TSPAN4: variants seen among roughly 807,000 people sequenced by gnomAD.
TSPAN4 encodes the protein tetraspanin 4, also known as tetraspanin-4.
Under a neutral mutation model 31.5 loss-of-function variants are expected in TSPAN4, and 38 were observed. That is an observed-to-expected ratio of 1.21 (90% CI 0.93 to 1.58). The LOEUF is 1.58. TSPAN4 is among the 40% of genes most tolerant of loss of function. TSPAN4 has a pLI of 0.00. For missense variants in TSPAN4, 330 were observed against 317.3 expected (o/e 1.04, Z -0.30); for synonymous variants, 186 against 144.6 (o/e 1.29, Z -2.06).
intron 3 of TSPAN4, among the ~76,000 whole-genome samples, chr11:858,926 A>AC (rs1340697627): frequency 2.4e-5 from 2 of 83,326 alleles, no homozygotes; most frequent in Non-Finnish European, 4.6e-5. Context: ...GCTCTCACGC[A>AC]CCCCCGGGCT....
At chr11:854,104 G>A (rs1190039920) in intron 3 of TSPAN4, among the ~76,000 whole-genome samples, 2 of 152,188 alleles carry the variant, frequency 1.3e-5, no homozygotes, top group Non-Finnish European at 2.9e-5. Flanking sequence ...GGGAGAGGAC[G>A]GGGCCTGCTC....
chr11:848,844 G>T lies in TSPAN4; in HGVS notation c.-17-1444G>T, dbSNP rs775362212. On this transcript the variant is annotated intron_variant, in intron 2 of 8. Coordinates refer to ENST00000397397, the MANE Select transcript of TSPAN4 (RefSeq NM_003271.5). The surrounding 1 kb of genome is among the most constrained non-coding windows in gnomAD (Gnocchi z 5.7). Reference sequence around the variant, plus strand: ...GGGTAGGCTGCAGGGCACAGCTGGGGGCCTCTGTCCCCATCTCCGGCTGTG... The same window carrying T: ...GGGTAGGCTGCAGGGCACAGCTGGGTGCCTCTGTCCCCATCTCCGGCTGTG... 29 of 675,876 alleles carry T rather than the reference G, an allele frequency of 4.3e-5. No individual in the cohort carries two copies. The South Asian group carries it at 4.6e-4, about 11-fold the overall frequency. The allele number at this position is 675,876 out of a possible 1,614,324, so 41.9% of individuals were successfully genotyped here. A position where few individuals can be genotyped will look rare whatever the true frequency, so the allele number is the denominator to read the frequency against.
Position 866,731 on chromosome 11 carries a change from C to G in TSPAN4, c.*101C>G, listed in dbSNP as rs1005089874. 1 of 1,204,012 alleles carries G rather than the reference C, an allele frequency of 8.3e-7. No individual in the cohort carries two copies. Among genetic ancestry groups the G allele is most frequent in the African/African-American group, 1.5e-5 (1 of 65,042 alleles). The allele number at this position is 1,204,012 out of a possible 1,614,324, so 74.6% of individuals were successfully genotyped here. ...ACCAGCCTCGGTGCTCTGCCCCATG[C>G]TGGGAGGAGGGAGGGAGGGACAGGT... is the stretch of plus-strand genomic sequence containing the variant. On this transcript the variant is annotated 3_prime_UTR_variant, in exon 9 of 9. Coordinates refer to ENST00000397397, the MANE Select transcript of TSPAN4 (RefSeq NM_003271.5).
At chr11:850,741 C>A (rs939859662) in intron 3 of TSPAN4, among the ~76,000 whole-genome samples, 7 of 152,196 alleles carry the variant, frequency 4.6e-5, no homozygotes, top group Non-Finnish European at 1.5e-5. Flanking sequence ...GCCAGTTTTG[C>A]GCGGGGCCCC....
chr11:845,122 A>G (rs544067114), intron 1 of TSPAN4, among the ~76,000 whole-genome samples: 1 of 152,290 alleles, frequency 6.6e-6, no homozygotes, highest in African/African-American at 2.4e-5. Context: ...CATGACCTTG[A>G]CTGGGAGAGG....
chr11:866,453 C>A (rs1848843868), intron 8 of TSPAN4, 109 bp from the exon 9 acceptor site: 1 of 1,015,014 alleles, frequency 9.9e-7, no homozygotes, highest in Non-Finnish European at 1.4e-6. Flanking sequence ...TGTCGCCCAC[C>A]CTGGGGTCGG....
intron 5 of TSPAN4, chr11:864,780 C>T (rs1287922806): frequency 9.1e-6 from 5 of 551,096 alleles, no homozygotes; most frequent in African/African-American, 3.8e-5. Flanking sequence ...TCTGACGCAG[C>T]GTCCTGAGCC....
In TSPAN4 at chr11:865,558, T is replaced by C. The variant is rs758608816; in HGVS notation, c.376T>C (p.Tyr126His). Residue 126 changes from tyrosine (Y) to histidine (H), a missense_variant, in exon 6 of 9, where the codon TAC (tyrosine) becomes CAC (histidine). Tyr to His is a moderately conservative substitution (Grantham distance 83, BLOSUM62 2). Transcript: ENST00000397397. Reference sequence around the variant, plus strand: ...AGACCTGAAGAAAGGCTTGCACCTGTACGGCACGCAGGGCAACGTGGGCCT... The same window carrying C: ...AGACCTGAAGAAAGGCTTGCACCTGCACGGCACGCAGGGCAACGTGGGCCT... ...QQDLKKGLHL[Y>H]GTQGNVGLTN... 1.9e-6 allele frequency: 3 copies of C among 1,612,614 alleles called. 1 individual carries two copies. The South Asian group carries it at 3.3e-5, about 18-fold the overall frequency.
At chr11:851,851 C>A (rs1233497395) in intron 3 of TSPAN4, among the ~76,000 whole-genome samples, 1 of 152,028 alleles carries the variant, frequency 6.6e-6, no homozygotes, top group Non-Finnish European at 1.5e-5. Flanking sequence ...GGAGGGGAAG[C>A]CCTCTCTCCT....
rs1848886612 is a variant in TSPAN4, at chr11:866,902, A to G, written c.*272A>G. 2.1e-5 allele frequency: 9 copies of G among 432,002 alleles called. No individual in the cohort carries two copies. In the South Asian group the frequency reaches 3.0e-4, roughly 15 times the overall value. The allele number at this position is 432,002 out of a possible 1,614,324, so 26.8% of individuals were successfully genotyped here. On this transcript the variant is annotated 3_prime_UTR_variant, in exon 9 of 9. Coordinates refer to ENST00000397397, the MANE Select transcript of TSPAN4 (RefSeq NM_003271.5). ...GGGGCCTCCAGCACTTTTTATATTT[A>G]CGTATTCTCCAAAGCAGTGTTCACA...
At chr11:853,404 TG>T (rs1176209641) in intron 3 of TSPAN4, among the ~76,000 whole-genome samples, 3 of 152,138 alleles carry the variant, frequency 2.0e-5, no homozygotes, top group African/African-American at 7.2e-5. Context: ...CTAGGGCCCC[TG>T]GTCACTGACG....
rs1289158983 is a variant in TSPAN4 at position 866,808 on chromosome 11, C to T, written c.*178C>T. 1.2e-5 allele frequency: 8 copies of T among 655,038 alleles called. No individual in the cohort carries two copies. The highest frequency in any genetic ancestry group is 8.4e-4 in the Middle Eastern group (2 of 2,372). The allele number at this position is 655,038 out of a possible 1,614,324, so 40.6% of individuals were successfully genotyped here. On this transcript the variant is annotated 3_prime_UTR_variant, in exon 9 of 9. Transcript: ENST00000397397. ...TGGAAGGCCCTAGCTCAGGTGGCTTCAGGGCCTCCGGACCCCCCCTGGGAG... is the reference window on the plus strand; with the variant it reads ...TGGAAGGCCCTAGCTCAGGTGGCTTTAGGGCCTCCGGACCCCCCCTGGGAG...
At chr11:852,712 G>T (rs1589767248) in intron 3 of TSPAN4, among the ~76,000 whole-genome samples, 1 of 152,248 alleles carries the variant, frequency 6.6e-6, no homozygotes, top group Non-Finnish European at 1.5e-5. Flanking sequence ...TCCTTTTGGG[G>T]GTGCCAGCCC....
At chr11:845,133 G>A (rs976579316) in intron 1 of TSPAN4, among the ~76,000 whole-genome samples, 4 of 152,204 alleles carry the variant, frequency 2.6e-5, no homozygotes, top group Admixed American at 1.3e-4. Flanking sequence ...CTGGGAGAGG[G>A]TGTTGAAGGT....
At position 848,863 on chromosome 11, in the gene TSPAN4, G is replaced by A. The variant is rs763120768; in HGVS notation, c.-17-1425G>A. ...GCTGGGGGCCTCTGTCCCCATCTCC[G>A]GCTGTGGGAGGTGTGTGCGCATCCG... On this transcript the variant is annotated intron_variant, in intron 2 of 8. Coordinates refer to ENST00000397397, the MANE Select transcript of TSPAN4 (RefSeq NM_003271.5). This position sits in a 1 kb window ranked among gnomAD's most constrained non-coding sequence, Gnocchi z 5.7. 4.4e-4 allele frequency: 310 copies of A among 697,120 alleles called. 3 individuals carry two copies. The highest frequency in any genetic ancestry group is 4.4e-3 in the South Asian group (282 of 64,552). 43.2% of individuals were successfully genotyped at this position (697,120 alleles called of 1,614,324 possible). A position where few individuals can be genotyped will look rare whatever the true frequency, so the allele number is the denominator to read the frequency against.
chr11:849,270 A>C (rs892452405), intron 2 of TSPAN4, among the ~76,000 whole-genome samples: 2 of 151,630 alleles, frequency 1.3e-5, no homozygotes, highest in Non-Finnish European at 2.9e-5. Flanking sequence ...GTGTTCTGGA[A>C]CCTCCCATAT....
At chr11:866,084 G>A (rs1848792313) in intron 8 of TSPAN4, 83 bp downstream of exon 8, 30 of 1,478,818 alleles carry the variant, frequency 2.0e-5, no homozygotes, top group South Asian at 4.7e-5. Context: ...CAAAGACCTT[G>A]CCCCCAGGAA....
chr11:864,558 A>G (rs1192621522), intron 5 of TSPAN4, 47 bp downstream of exon 5: 1 of 1,603,412 alleles, frequency 6.2e-7, no homozygotes, highest in African/African-American at 1.3e-5. Context: ...TGGGGGCTCC[A>G]TCCTCACTCC....
chr11:847,106 A>AGG (rs1847363364), intron 1 of TSPAN4, 95 bp from the exon 2 acceptor site: 1 of 151,962 alleles, frequency 6.6e-6, no homozygotes, highest in Non-Finnish European at 1.5e-5. Flanking sequence ...ACCTGGCCCC[A>AGG]GGTGGGGGTT....
Sources: gnomAD v4.1 joint callset for allele counts (sites outside exome capture counted in the v4.1 genomes callset) on GRCh38, gnomAD v4.1.1 for gene constraint, Gnocchi (gnomAD v3.1) non-coding constraint, MANE v1.5 for transcripts, NCBI Gene and HGNC (gene_info 2026-07-23, HGNC 2026-07-21) for gene names.